Variants in NTSR1 observed in about 807,000 individuals in gnomAD.
NTSR1 encodes neurotensin receptor type 1.
NTSR1 carries 29 observed loss-of-function variants against 31.2 expected under a neutral mutation model. That is an observed-to-expected ratio of 0.93 (90% CI 0.69 to 1.27). The LOEUF is 1.27. NTSR1 is among the 50% of genes most tolerant of loss of function. The pLI is 0.00. For synonymous variants in NTSR1, 282 were observed against 269.9 expected (o/e 1.04, Z -0.44); for missense variants, 697 against 595.4 (o/e 1.17, Z -1.78).
intron 1 of NTSR1, among the ~76,000 whole-genome samples, chr20:62,731,090 T>C (rs890512193): frequency 1.3e-5 from 2 of 152,220 alleles, no homozygotes; most frequent in Non-Finnish European, 2.9e-5. Flanking sequence ...TTGTTTTTTC[T>C]TTTTTGTTTT....
intron 1 of NTSR1, among the ~76,000 whole-genome samples, chr20:62,728,106 C>CACGT (rs11472693): frequency 6.6e-6 from 1 of 152,018 alleles, no homozygotes; most frequent in African/African-American, 2.4e-5. Flanking sequence ...AAGGACGAGC[C>CACGT]TTGTGGATGA....
In NTSR1 at chr20:62,709,184, G is replaced by C. The variant is rs202070643; in HGVS notation, c.-24G>C. The C allele has an allele frequency of 2.2e-3, 3,036 of 1,400,684 alleles. 2 individuals are homozygous for C. Among genetic ancestry groups the C allele is most frequent in the Non-Finnish European group, 2.6e-3 (2,802 of 1,085,096 alleles). The allele number at this position is 1,400,684 out of a possible 1,614,324, so 86.8% of individuals were successfully genotyped here. A position where few individuals can be genotyped will look rare whatever the true frequency, so the allele number is the denominator to read the frequency against. On this transcript the variant is annotated 5_prime_UTR_variant, in exon 1 of 4. Transcript: ENST00000370501. ...CTTCCAGCCCCGGAGGCGCCGGACA[G>C]AGCCGCGGACTCCAGCGCCCACCAT...
At position 62,714,998 on chromosome 20, in the gene NTSR1, A is replaced by G. The variant is rs1988686586; in HGVS notation, c.714+5077A>G. 6.6e-6 allele frequency among the ~76,000 whole-genome samples: 1 copy of G among 152,188 alleles called. No individual in the cohort carries two copies. Among genetic ancestry groups the G allele is most frequent in the Admixed American group, 6.5e-5 (1 of 15,276 alleles). ...CAAAATGATGCAATGTCTCAGATTT[A>G]CTGAAGCGTGATCTGGGGGAAGGGG... On this transcript the variant is annotated intron_variant, in intron 1 of 3. Coordinates refer to ENST00000370501, the MANE Select transcript of NTSR1 (RefSeq NM_002531.3). This position sits in a 1 kb window ranked among gnomAD's most constrained non-coding sequence, Gnocchi z 4.1.
intron 1 of NTSR1, among the ~76,000 whole-genome samples, chr20:62,730,649 A>G (rs1196084861): frequency 6.6e-6 from 1 of 152,256 alleles, no homozygotes; most frequent in Non-Finnish European, 1.5e-5. Context: ...TGAGCTTTGT[A>G]GGAAGTTGCC....
At chr20:62,754,619 C>A in intron 1 of NTSR1, 66 bp from the exon 2 acceptor site, 1 of 1,326,906 alleles carries the variant, frequency 7.5e-7, no homozygotes. Flanking sequence ...GCACGGCAGG[C>A]ATCCCAGCTG....
At chr20:62,757,116 C>G (rs1285122007) in intron 2 of NTSR1, among the ~76,000 whole-genome samples, 2 of 152,098 alleles carry the variant, frequency 1.3e-5, no homozygotes, top group Non-Finnish European at 2.9e-5. Flanking sequence ...TCTTTTGTGG[C>G]CTGTGCTTTT....
Position 62,754,709 on chromosome 20 carries a change from T to C in NTSR1, c.739T>C (p.Phe247Leu). ...IQVNTFMSFI[F>L]PMVVISVLNT... ...GGTCAACACCTTCATGTCCTTCATA[T>C]TCCCCATGGTGGTCATCTCGGTCCT... is the stretch of plus-strand genomic sequence containing the variant. Residue 247 changes from phenylalanine (F) to leucine (L), a missense_variant, in exon 2 of 4, where the codon TTC becomes CTC. Physicochemically the swap from Phe to Leu is conservative, Grantham distance 22 (BLOSUM62 0). Coordinates refer to ENST00000370501, the MANE Select transcript of NTSR1 (RefSeq NM_002531.3). 1.2e-6 allele frequency: 2 copies of C among 1,612,752 alleles called. No homozygotes were observed. Among genetic ancestry groups the C allele is most frequent in the East Asian group, 4.5e-5 (2 of 44,876 alleles).
At chr20:62,753,925 G>A (rs531011313) in intron 1 of NTSR1, among the ~76,000 whole-genome samples, 7 of 152,348 alleles carry the variant, frequency 4.6e-5, no homozygotes, top group Middle Eastern at 3.4e-3. Flanking sequence ...ACAGAGTCAC[G>A]TCTCAGCCAG....
rs1989555778 is a variant in NTSR1 at position 62,758,519 on chromosome 20, A to T, written c.1007+163A>T. Among the ~76,000 whole-genome samples the T allele has an allele frequency of 6.6e-6, 1 of 152,074 alleles. No homozygotes were observed. Among genetic ancestry groups the T allele is most frequent in the East Asian group, 1.9e-4 (1 of 5,194 alleles). ...GTTGTGCTGTGACTGGGGCCGGGAG[A>T]AGGCCATGGAGGGACAGGTTCAAGG... On this transcript the variant is annotated intron_variant, in intron 3 of 3. Coordinates refer to ENST00000370501, the MANE Select transcript of NTSR1 (RefSeq NM_002531.3). This position sits in a 1 kb window ranked among gnomAD's most constrained non-coding sequence, Gnocchi z 4.5.
At chr20:62,739,369 C>A (rs1184575687) in intron 1 of NTSR1, among the ~76,000 whole-genome samples, 1 of 152,246 alleles carries the variant, frequency 6.6e-6, no homozygotes, top group Non-Finnish European at 1.5e-5. Context: ...AGGGTAGAGG[C>A]TGGAGCCCCT....
chr20:62,724,930 A>G (rs1348194425), intron 1 of NTSR1, among the ~76,000 whole-genome samples: 1 of 152,190 alleles, frequency 6.6e-6, no homozygotes, highest in Non-Finnish European at 1.5e-5. Flanking sequence ...CATTAGATTT[A>G]GGGCCCACTC....
chr20:62,751,557 C>T (rs531695487), intron 1 of NTSR1, among the ~76,000 whole-genome samples: 11 of 152,366 alleles, frequency 7.2e-5, no homozygotes, highest in Admixed American at 2.0e-4. Context: ...GGTAGGAAAA[C>T]GGCACTGACG....
intron 1 of NTSR1, among the ~76,000 whole-genome samples, chr20:62,728,241 G>A (rs918590227): frequency 1.3e-5 from 2 of 152,188 alleles, no homozygotes; most frequent in Non-Finnish European, 2.9e-5. Flanking sequence ...TGATCAACAG[G>A]AGGGAGATGG....
intron 1 of NTSR1, among the ~76,000 whole-genome samples, chr20:62,754,151 G>A (rs2249676): frequency 0.76 from 115,889 of 151,936 alleles, 45,835 homozygotes; most frequent in Non-Finnish European, 0.87. Flanking sequence ...ACCTTTCAAT[G>A]CTCTGAGAGG....
At chr20:62,722,028 C>T (rs1988834316) in intron 1 of NTSR1, among the ~76,000 whole-genome samples, 1 of 152,106 alleles carries the variant, frequency 6.6e-6, no homozygotes, top group Non-Finnish European at 1.5e-5. Context: ...GTCAATGGGT[C>T]ACATTTTACT....
intron 3 of NTSR1, among the ~76,000 whole-genome samples, chr20:62,759,280 T>A (rs1989567897): frequency 6.6e-6 from 1 of 151,990 alleles, no homozygotes; most frequent in Non-Finnish European, 1.5e-5. Flanking sequence ...GGGAGTGAGA[T>A]CACTGTGGGG....
rs1418112889 is a variant in NTSR1, at chr20:62,733,954, C to A, written c.715-20731C>A. On this transcript the variant is annotated intron_variant, in intron 1 of 3. Transcript: ENST00000370501. The surrounding 1 kb of genome is among the most constrained non-coding windows in gnomAD (Gnocchi z 5.2). Reference sequence around the variant, plus strand: ...TTCGAACAGCCCCCAGGCAGGGTCGCATTTTAAATGATGGTTTTGGGTGCT... The same window carrying A: ...TTCGAACAGCCCCCAGGCAGGGTCGAATTTTAAATGATGGTTTTGGGTGCT... Among the ~76,000 whole-genome samples, 1 of 152,168 alleles carries A rather than the reference C, an allele frequency of 6.6e-6. No homozygotes were observed. Among genetic ancestry groups the A allele is most frequent in the Non-Finnish European group, 1.5e-5 (1 of 68,038 alleles).
chr20:62,745,559 G>A lies in NTSR1; in HGVS notation c.715-9126G>A, dbSNP rs1335252642. 6.6e-6 allele frequency among the ~76,000 whole-genome samples: 1 copy of A among 152,022 alleles called. No homozygotes were observed. The highest frequency in any genetic ancestry group is 1.5e-5 in the Non-Finnish European group (1 of 67,998). Reference sequence around the variant, plus strand: ...AGGAAAACACACAGATATACAGAGAGAGACACAACAGAGACAGACACAGGA... The same window carrying A: ...AGGAAAACACACAGATATACAGAGAAAGACACAACAGAGACAGACACAGGA... On this transcript the variant is annotated intron_variant, in intron 1 of 3. Coordinates refer to ENST00000370501, the MANE Select transcript of NTSR1 (RefSeq NM_002531.3). This position sits in a 1 kb window ranked among gnomAD's most constrained non-coding sequence, Gnocchi z 4.1.
chr20:62,760,437 T>C lies in NTSR1; in HGVS notation c.*170T>C, dbSNP rs1300851566. 3.3e-6 allele frequency: 2 copies of C among 603,078 alleles called. No individual in the cohort carries two copies. Among genetic ancestry groups the C allele is most frequent in the African/African-American group, 4.6e-5 (2 of 43,080 alleles). 37.4% of individuals were successfully genotyped at this position (603,078 alleles called of 1,614,324 possible). A position where few individuals can be genotyped will look rare whatever the true frequency, so the allele number is the denominator to read the frequency against. On this transcript the variant is annotated 3_prime_UTR_variant, in exon 4 of 4. Transcript: ENST00000370501. ...CCCACCCCCTAACCCATGTTTCTCA[T>C]TAGTGTCTCCCGGGCCTGTCCCCAA...
Sources: gnomAD v4.1 joint callset for allele counts (sites outside exome capture counted in the v4.1 genomes callset) on GRCh38, gnomAD v4.1.1 for gene constraint, Gnocchi (gnomAD v3.1) non-coding constraint, MANE v1.5 for transcripts, NCBI Gene and HGNC (gene_info 2026-07-23, HGNC 2026-07-21) for gene names.